PHLDB2: variants seen among roughly 807,000 people sequenced by gnomAD.
PHLDB2 encodes pleckstrin homology-like domain family B member 2.
In PHLDB2, 71 loss-of-function variants were observed where a neutral mutation model predicts 123.6. The ratio of observed to expected loss-of-function variants is 0.57; its 90% CI spans 0.47 to 0.70. PHLDB2 has a LOEUF of 0.70. PHLDB2 is among the 30% of genes least tolerant of loss of function. The pLI, the probability that PHLDB2 is intolerant of heterozygous loss-of-function variation, is 0.00. For missense variants in PHLDB2, 1,446 were observed against 1,519.5 expected (o/e 0.95, Z 0.80); for synonymous variants, 547 against 541.6 (o/e 1.01, Z -0.14).
intron 1 of PHLDB2, among the ~76,000 whole-genome samples, chr3:111,819,895 C>T (rs1170202947): frequency 6.6e-6 from 1 of 152,152 alleles, no homozygotes; most frequent in Non-Finnish European, 1.5e-5. Flanking sequence ...AGTTTGAAAC[C>T]AAACAAGGTT....
intron 1 of PHLDB2, among the ~76,000 whole-genome samples, chr3:111,871,607 T>C (rs546571924): frequency 1.5e-4 from 23 of 152,278 alleles, no homozygotes; most frequent in South Asian, 1.4e-3. Context: ...TGAGGCAAGA[T>C]TGTGCCACTG....
intron 1 of PHLDB2, among the ~76,000 whole-genome samples, chr3:111,761,512 G>C (rs754447961): frequency 2.6e-5 from 4 of 152,222 alleles, no homozygotes; most frequent in Non-Finnish European, 5.9e-5. Context: ...ACTCAGAAGA[G>C]AATGACTAGG....
At chr3:111,748,682 C>G (rs1303850348) in intron 1 of PHLDB2, among the ~76,000 whole-genome samples, 1 of 151,994 alleles carries the variant, frequency 6.6e-6, no homozygotes, top group African/African-American at 2.4e-5. Flanking sequence ...CCACCATACC[C>G]GGCTAATTTT....
intron 16 of PHLDB2, 50 bp downstream of exon 16, chr3:111,969,959 G>C: frequency 6.4e-7 from 1 of 1,558,588 alleles, no homozygotes; most frequent in Non-Finnish European, 8.8e-7. Context: ...AGAACCCCCT[G>C]TTAAAGAGCA....
chr3:111,844,497 G>C (rs937554), intron 1 of PHLDB2, among the ~76,000 whole-genome samples: 107,549 of 151,856 alleles, frequency 0.71, 38,290 homozygotes, highest in Middle Eastern at 0.85. Context: ...AATCATGTTG[G>C]CTTGATGCGT....
At chr3:111,782,439 T>C (rs1467957868) in intron 1 of PHLDB2, among the ~76,000 whole-genome samples, 1 of 152,164 alleles carries the variant, frequency 6.6e-6, no homozygotes, top group Non-Finnish European at 1.5e-5. Flanking sequence ...TACCACTCTT[T>C]GAGCTCAAAA....
chr3:111,768,369 T>C (rs2060117915), intron 1 of PHLDB2, among the ~76,000 whole-genome samples: 1 of 152,166 alleles, frequency 6.6e-6, no homozygotes, highest in African/African-American at 2.4e-5. Context: ...TTTTCACGTT[T>C]AAGTGAGAAT....
intron 14 of PHLDB2, 58 bp downstream of exon 14, chr3:111,966,761 C>G: frequency 7.3e-7 from 1 of 1,374,454 alleles, no homozygotes; most frequent in Non-Finnish European, 1.0e-6. Context: ...GAGCCCTGCG[C>G]TTGGCATCAG....
At chr3:111,801,567 C>A (rs553708370) in intron 1 of PHLDB2, among the ~76,000 whole-genome samples, 2 of 152,210 alleles carry the variant, frequency 1.3e-5, no homozygotes, top group South Asian at 4.1e-4. Context: ...AAGGCTGGTT[C>A]ATAATAAGTA....
Position 111,909,073 on chromosome 3 carries a change from A to G in PHLDB2, c.1336-4246A>G, listed in dbSNP as rs1030160769. The stretch of plus-strand genomic sequence containing the variant: ...CTAGTTGCTGATCTCTGAGCATACC[A>G]TGATATGCCACAGCTCTATGCCTTT... On this transcript the variant is annotated intron_variant, in intron 2 of 17. Transcript: ENST00000431670. Among the ~76,000 whole-genome samples the G allele has an allele frequency of 2.6e-5, 4 of 152,180 alleles. No homozygotes were observed. In the South Asian group the frequency reaches 8.3e-4, roughly 31 times the overall value.
At chr3:111,857,331 G>C (rs909760458), upstream of PHLDB2, among the ~76,000 whole-genome samples, 4 of 151,786 alleles carry the variant, frequency 2.6e-5, no homozygotes, top group Non-Finnish European at 5.9e-5. Flanking sequence ...TGCACCTGTG[G>C]TCCCAGCTAT....
At chr3:111,946,045 T>A (rs1055209549) in intron 9 of PHLDB2, among the ~76,000 whole-genome samples, 12 of 144,148 alleles carry the variant, frequency 8.3e-5, no homozygotes, top group East Asian at 2.1e-4. Context: ...ATATATATAT[T>A]TTTTGAGACA....
intron 1 of PHLDB2, among the ~76,000 whole-genome samples, chr3:111,766,723 T>C (rs2060088526): frequency 6.6e-6 from 1 of 152,054 alleles, no homozygotes; most frequent in Non-Finnish European, 1.5e-5. Context: ...GGCACTGATA[T>C]CCTTGTCTTT....
intron 1 of PHLDB2, among the ~76,000 whole-genome samples, chr3:111,814,951 TG>T (rs2062006938): frequency 6.6e-6 from 1 of 152,130 alleles, no homozygotes; most frequent in Non-Finnish European, 1.5e-5. Context: ...AGGAACCTGG[TG>T]GGAGGTGATT....
intron 2 of PHLDB2, among the ~76,000 whole-genome samples, chr3:111,886,473 T>A (rs2066171204): frequency 6.6e-6 from 1 of 151,528 alleles, no homozygotes; most frequent in Non-Finnish European, 1.5e-5. Flanking sequence ...GCTCATCAGC[T>A]ATCGTTAGTG....
chr3:111,832,851 T>TAATAGAATTATACATATAATATATAA (rs2063141227), intron 1 of PHLDB2, among the ~76,000 whole-genome samples: 1 of 89,586 alleles, frequency 1.1e-5, no homozygotes, highest in African/African-American at 5.2e-5. Flanking sequence ...ATAATATATA[T>TAATAGAATTATACATATAATATATAA]AATAGAATTA....
chr3:111,773,250 C>G (rs1292999885), intron 1 of PHLDB2, among the ~76,000 whole-genome samples: 2 of 152,130 alleles, frequency 1.3e-5, no homozygotes, highest in Non-Finnish European at 2.9e-5. Context: ...CTGCTCCAAA[C>G]CTGGAGCAGA....
At chr3:111,955,144 G>GCTAT (rs78093765) in intron 12 of PHLDB2, among the ~76,000 whole-genome samples, 3 of 145,300 alleles carry the variant, frequency 2.1e-5, no homozygotes, top group Admixed American at 6.8e-5. Flanking sequence ...ATGTATATAT[G>GCTAT]ATATATATAT....
At position 111,822,958 on chromosome 3, in the gene PHLDB2, A is replaced by C. The variant is rs140730458; in HGVS notation, c.-48-22863A>C. ...AGATTTATGCAGCAATAGCATGGGG[A>C]CAAAGGAAGGGCATTGGAGGCACTA... On this transcript the variant is annotated intron_variant, in intron 1 of 17. Coordinates refer to the PHLDB2 transcript ENST00000393923. 3.5e-3 allele frequency among the ~76,000 whole-genome samples: 527 copies of C among 152,334 alleles called. 6 individuals are homozygous for C. Among genetic ancestry groups the C allele is most frequent in the African/African-American group, 0.012 (496 of 41,578 alleles).
Sources: allele counts gnomAD v4.1 joint callset (sites outside exome capture counted in the v4.1 genomes callset), GRCh38; gene constraint gnomAD v4.1.1; transcripts MANE v1.5; gene names NCBI Gene and HGNC (gene_info 2026-07-23, HGNC 2026-07-21).